Variants in ADAMTSL1 observed in about 807,000 individuals in gnomAD.
ADAMTSL1 encodes ADAMTS like 1.
ADAMTSL1 carries 126 observed loss-of-function variants against 201.8 expected under a neutral mutation model. The ratio of observed to expected loss-of-function variants is 0.62; its 90% confidence interval spans 0.54 to 0.72. The LOEUF is 0.72. Among genes scored for constraint, ADAMTSL1 ranks in the 30% least tolerant of loss-of-function variants. The probability of loss-of-function intolerance (pLI) is 0.00; values close to 1 mark genes in which losing one functional copy is unlikely to be tolerated. For synonymous variants in ADAMTSL1, 1,121 were observed against 903.4 expected (o/e 1.24, Z -4.32); for missense variants, 2,679 against 2,277.8 (o/e 1.18, Z -3.59).
chr9:18,405,281 C>T (rs1443895916), intron 2 of ADAMTSL1, among the ~76,000 whole-genome samples: 1 of 152,174 alleles, frequency 6.6e-6, no homozygotes, highest in Non-Finnish European at 1.5e-5. Context: ...AGCATCTACG[C>T]CTCACCCTCA....
At chr9:18,505,298 G>A (rs1823065949) in intron 2 of ADAMTSL1, among the ~76,000 whole-genome samples, 1 of 152,166 alleles carries the variant, frequency 6.6e-6, no homozygotes, top group African/African-American at 2.4e-5. Context: ...ATGACATATT[G>A]TACAGTATTG....
At chr9:18,613,958 G>C (rs1420251410) in intron 4 of ADAMTSL1, among the ~76,000 whole-genome samples, 1 of 152,158 alleles carries the variant, frequency 6.6e-6, no homozygotes, top group Admixed American at 6.5e-5. Flanking sequence ...AGATCTTATT[G>C]AGAAGGTATT....
intron 1 of ADAMTSL1, among the ~76,000 whole-genome samples, chr9:17,952,281 A>C (rs1321221409): frequency 6.6e-6 from 1 of 151,716 alleles, no homozygotes; most frequent in Non-Finnish European, 1.5e-5. Context: ...GACATATTTT[A>C]TGTCCTATTT....
intron 26 of ADAMTSL1, among the ~76,000 whole-genome samples, chr9:18,894,508 T>C (rs1829495058): frequency 6.6e-6 from 1 of 152,118 alleles, no homozygotes; most frequent in Non-Finnish European, 1.5e-5. Context: ...TTCCTCTTTA[T>C]AAGCGTGATT....
chr9:18,344,425 G>T (rs1835607297), intron 2 of ADAMTSL1, among the ~76,000 whole-genome samples: 1 of 151,570 alleles, frequency 6.6e-6, no homozygotes, highest in Non-Finnish European at 1.5e-5. Flanking sequence ...CCAAAGCACT[G>T]TTTTTTGTTT....
chr9:18,630,798 A>C (rs1004937640), intron 5 of ADAMTSL1, among the ~76,000 whole-genome samples: 1 of 152,170 alleles, frequency 6.6e-6, no homozygotes, highest in Non-Finnish European at 1.5e-5. Context: ...TGGGCTTTCA[A>C]TTCAGCTCTG....
intron 28 of ADAMTSL1, chr9:18,907,659 C>A (rs558431652): frequency 6.6e-6 from 1 of 152,460 alleles, no homozygotes; most frequent in Non-Finnish European, 1.5e-5. Context: ...CTAAGGCAGA[C>A]GCCATGTAGG....
chr9:18,473,845 G>A (rs1821316822), upstream of ADAMTSL1: 1 of 250,604 alleles, frequency 4.0e-6, no homozygotes, highest in Admixed American at 5.2e-5. Flanking sequence ...CCAGGTCCAT[G>A]GGAAGCACAG....
intron 1 of ADAMTSL1, among the ~76,000 whole-genome samples, chr9:18,011,714 T>A (rs960998035): frequency 3.3e-5 from 5 of 152,034 alleles, no homozygotes; most frequent in African/African-American, 1.2e-4. Context: ...GGAGCCTCTT[T>A]CATTTTGTAG....
intron 2 of ADAMTSL1, among the ~76,000 whole-genome samples, chr9:18,355,512 A>G (rs1457008008): frequency 6.6e-6 from 1 of 152,174 alleles, no homozygotes; most frequent in African/African-American, 2.4e-5. Context: ...GAAGTTTCTA[A>G]AGCCATTTTG....
intron 1 of ADAMTSL1, among the ~76,000 whole-genome samples, chr9:18,079,323 A>G (rs1442558661): frequency 1.3e-5 from 2 of 152,234 alleles, no homozygotes; most frequent in Non-Finnish European, 2.9e-5. Flanking sequence ...CTGCTATCGC[A>G]TCTTGATACC....
intron 23 of ADAMTSL1, among the ~76,000 whole-genome samples, chr9:18,879,728 A>G (rs940977679): frequency 3.9e-5 from 6 of 152,200 alleles, no homozygotes; most frequent in African/African-American, 1.2e-4. Flanking sequence ...CTTCATGTTG[A>G]TGGTTGCTGA....
chr9:18,575,087 C>T (rs971456673), intron 4 of ADAMTSL1, among the ~76,000 whole-genome samples: 2 of 152,126 alleles, frequency 1.3e-5, no homozygotes, highest in African/African-American at 2.4e-5. Context: ...ATGGTGTCAG[C>T]TGAAATTTTC....
chr9:18,384,285 C>T lies in ADAMTSL1; in HGVS notation c.208-120544C>T, dbSNP rs191343898. The stretch of plus-strand genomic sequence containing the variant: ...AGCGAGTGAAGGGGGAAGTGCCACA[C>T]ACTTTTAAACCGCCATATCTCATGA... On this transcript the variant is annotated intron_variant, in intron 2 of 29. Transcript: ENST00000680146. Among the ~76,000 whole-genome samples, 15 of 152,188 alleles carry T rather than the reference C, an allele frequency of 9.9e-5. No individual in the cohort carries two copies. The East Asian group carries it at 2.9e-3, about 29-fold the overall frequency.
chr9:18,647,366 G>GTT (rs372396490), intron 7 of ADAMTSL1, among the ~76,000 whole-genome samples: 35,343 of 150,086 alleles, frequency 0.24, 4,342 homozygotes, highest in South Asian at 0.33. Flanking sequence ...TTTTTGAAGG[G>GTT]TTTTTTTTCC....
At chr9:18,232,841 G>T (rs1198388919) in intron 2 of ADAMTSL1, among the ~76,000 whole-genome samples, 1 of 152,116 alleles carries the variant, frequency 6.6e-6, no homozygotes, top group Admixed American at 6.6e-5. Context: ...AGGCACTCTG[G>T]TTATGAACAA....
At chr9:18,857,719 G>A (rs1826951955) in intron 23 of ADAMTSL1, among the ~76,000 whole-genome samples, 1 of 152,172 alleles carries the variant, frequency 6.6e-6, no homozygotes, top group South Asian at 2.1e-4. Context: ...TGGGACTGTG[G>A]CAAATATCTC....
intron 1 of ADAMTSL1, among the ~76,000 whole-genome samples, chr9:17,914,725 T>C (rs1247347395): frequency 2.0e-5 from 3 of 151,926 alleles, no homozygotes; most frequent in African/African-American, 7.3e-5. Flanking sequence ...AAAGAGGAAG[T>C]CAAATTGTCC....
intron 2 of ADAMTSL1, among the ~76,000 whole-genome samples, chr9:18,287,942 A>G (rs1012629586): frequency 5.3e-5 from 8 of 152,338 alleles, no homozygotes; most frequent in African/African-American, 1.7e-4. Flanking sequence ...TTAGCAAATT[A>G]AAATGTACAG....
Sources: gnomAD v4.1 joint callset for allele counts (sites outside exome capture counted in the v4.1 genomes callset) on GRCh38, gnomAD v4.1.1 for gene constraint, MANE v1.5 for transcripts, NCBI Gene and HGNC (gene_info 2026-07-23, HGNC 2026-07-21) for gene names.